HNF1B: variants seen among roughly 807,000 people sequenced by gnomAD.
HNF1B encodes the protein HNF1 homeobox B, also known as hepatocyte nuclear factor 1-beta.
In HNF1B, 8 loss-of-function variants were observed where a neutral mutation model predicts 61.7. The observed-to-expected ratio is 0.13, with a 90% CI of 0.08 to 0.23. The LOEUF (loss-of-function observed/expected upper bound fraction) is 0.23, where lower values mean the gene tolerates loss of function less well. Among genes scored for constraint, HNF1B ranks in the 10% least tolerant of loss-of-function variants. The pLI, the probability that HNF1B is intolerant of heterozygous loss-of-function variation, is 1.00. For missense variants in HNF1B, 562 were observed against 714.5 expected (o/e 0.79, Z 2.43); for synonymous variants, 314 against 287.7 (o/e 1.09, Z -0.93).
In HNF1B at chr17:37,744,952, T is replaced by C. The variant is rs764793712; in HGVS notation, c.-68A>G. 1.5e-6 allele frequency: 2 copies of C among 1,343,964 alleles called. No individual in the cohort carries two copies. Among genetic ancestry groups the C allele is most frequent in the Non-Finnish European group, 2.1e-6 (2 of 961,348 alleles). The allele number at this position is 1,343,964 out of a possible 1,614,324, so 83.3% of individuals were successfully genotyped here. ...TGCGAGAGAGGAGGGTGGAGGGGAG[T>C]TTCACAAGCAAACCCCAAATCCAGG... On this transcript the variant is annotated 5_prime_UTR_variant, in exon 1 of 9. Transcript: ENST00000617811.
intron 5 of HNF1B, among the ~76,000 whole-genome samples, chr17:37,707,618 C>T (rs1196726664): frequency 6.6e-6 from 1 of 152,056 alleles, no homozygotes; most frequent in African/African-American, 2.4e-5. Context: ...GAGAAGGATA[C>T]TGAAATTTAG....
chr17:37,742,196 C>G (rs969031023), intron 1 of HNF1B, among the ~76,000 whole-genome samples: 6 of 152,252 alleles, frequency 3.9e-5, no homozygotes, highest in Non-Finnish European at 7.3e-5. Context: ...TGGACTCCAG[C>G]GCAGTCCGCA....
At chr17:37,702,275 T>C (rs569717103) in intron 6 of HNF1B, among the ~76,000 whole-genome samples, 2 of 152,196 alleles carry the variant, frequency 1.3e-5, no homozygotes, top group South Asian at 4.2e-4. Context: ...TTGAGGGAAG[T>C]CATCAATGGA....
chr17:37,710,517 G>C lies in HNF1B; in HGVS notation c.1192C>G (p.Pro398Ala). ...GGTGTACTCACCATTTTACCATCAGGTGAGAGGAGATTGTGGCCTGGGTCC... is the reference window on the plus strand; with the variant it reads ...GGTGTACTCACCATTTTACCATCAGCTGAGAGGAGATTGTGGCCTGGGTCC... ...SLDPGHNLLS[P>A]DGKMISVSGG... The change falls in exon 5 of 9, where the codon CCT becomes GCT. Residue 398 changes from proline to alanine, a missense_variant. Physicochemically the swap from Pro to Ala is conservative, Grantham distance 27 (BLOSUM62 -1). Coordinates refer to ENST00000617811, the MANE Select transcript of HNF1B (RefSeq NM_000458.4). The C allele has an allele frequency of 6.2e-7, 1 of 1,614,226 alleles. No individual in the cohort carries two copies. The highest frequency in any genetic ancestry group is 8.5e-7 in the Non-Finnish European group (1 of 1,180,044).
At chr17:37,711,935 C>A (rs951304988) in intron 4 of HNF1B, among the ~76,000 whole-genome samples, 3 of 152,176 alleles carry the variant, frequency 2.0e-5, no homozygotes, top group African/African-American at 7.2e-5. Flanking sequence ...CCCCCAGGGG[C>A]CAGGCACTGC....
chr17:37,688,380 AACACACACACAC>A (rs5820230), intron 8 of HNF1B, among the ~76,000 whole-genome samples: 35 of 136,178 alleles, frequency 2.6e-4, no homozygotes, highest in African/African-American at 5.5e-4. Context: ...GATCCCCCCA[AACACACACACAC>A]ACACACACAC....
At chr17:37,689,178 G>A (rs532505637) in intron 8 of HNF1B, among the ~76,000 whole-genome samples, 223 of 151,358 alleles carry the variant, frequency 1.5e-3, no homozygotes, top group African/African-American at 5.1e-3. Context: ...AAAGAGGGGG[G>A]CTGAGCAGTG....
chr17:37,690,881 A>C (rs561883335), intron 8 of HNF1B, among the ~76,000 whole-genome samples: 1 of 152,340 alleles, frequency 6.6e-6, no homozygotes, highest in Admixed American at 6.5e-5. Flanking sequence ...CGGACTGTAC[A>C]CAGAATTACA....
chr17:37,725,835 A>G (rs1431812622), intron 4 of HNF1B, among the ~76,000 whole-genome samples: 1 of 152,226 alleles, frequency 6.6e-6, no homozygotes, highest in African/African-American at 2.4e-5. Context: ...AGGTGCTTGC[A>G]CTGTCTCAGA....
Position 37,733,696 on chromosome 17 carries a change from A to G in HNF1B, c.670T>C (p.Ser224Pro). The G allele has an allele frequency of 6.2e-7, 1 of 1,614,136 alleles. No individual in the cohort carries two copies. Among genetic ancestry groups the G allele is most frequent in the Non-Finnish European group, 8.5e-7 (1 of 1,180,020 alleles). Residue 224 changes from serine (S) to proline (P), a missense_variant, in exon 3 of 9, where the codon TCT (serine) becomes CCT (proline). Coordinates refer to ENST00000617811, the MANE Select transcript of HNF1B (RefSeq NM_000458.4). ...HGPGQSDDAC[S>P]EPTNKKMRRN... ...CGCATCTTCTTGTTGGTGGGCTCAG[A>G]GCAGGCATCATCGGACTGCCCAGGC...
intron 2 of HNF1B, 133 bp from the exon 3 acceptor site, chr17:37,733,954 T>C: frequency 9.3e-7 from 1 of 1,076,546 alleles, no homozygotes; most frequent in South Asian, 1.4e-5. Context: ...CTTCTCTCAC[T>C]GCATGTGGAG....
At chr17:37,729,491 G>C (rs1239331273) in intron 4 of HNF1B, 1 of 149,404 alleles carries the variant, frequency 6.7e-6, no homozygotes, top group East Asian at 2.0e-4. Context: ...AATATTCAGT[G>C]TCCCATAACT....
In HNF1B at chr17:37,733,771, G is replaced by T. The variant is rs774087956; in HGVS notation, c.595C>A (p.Gln199Lys). 6.2e-7 allele frequency: 1 copy of T among 1,614,144 alleles called. No homozygotes were observed. Among genetic ancestry groups the T allele is most frequent in the East Asian group, 2.2e-5 (1 of 44,894 alleles). Residue 199 changes from glutamine (Q) to lysine (K), a missense_variant, in exon 3 of 9, where the codon CAG becomes AAG. This residue lies in a region of HNF1B where 69 missense variants were observed against 81.2 expected (regional missense o/e 0.85). Coordinates refer to ENST00000617811, the MANE Select transcript of HNF1B (RefSeq NM_000458.4). Reference sequence around the variant, plus strand: ...GGAAAGAGAAACAGCAGCTGATCCTGACTGCTTTTGTCTGTCATATTTCCA... The same window carrying T: ...GGAAAGAGAAACAGCAGCTGATCCTTACTGCTTTTGTCTGTCATATTTCCA... ...SSGNMTDKSS[Q>K]DQLLFLFPEF...
chr17:37,729,778 C>G (rs765844673), intron 4 of HNF1B: 1 of 152,304 alleles, frequency 6.6e-6, no homozygotes, highest in Non-Finnish European at 1.5e-5. Context: ...TACCATTGCT[C>G]TGTGTCACTT....
chr17:37,737,420 A>G lies in HNF1B; in HGVS notation c.544+2020T>C, dbSNP rs1052834592. On this transcript the variant is annotated intron_variant, in intron 2 of 8. Coordinates refer to ENST00000617811, the MANE Select transcript of HNF1B (RefSeq NM_000458.4). ...GGATGGCAGGTAAGTCCCTGGAGAA[A>G]AGAACCTATGTATTCCATAGCTTAG... is the stretch of plus-strand genomic sequence containing the variant. Among the ~76,000 whole-genome samples the G allele has an allele frequency of 1.1e-4, 17 of 152,254 alleles. No individual in the cohort carries two copies. The South Asian group carries it at 1.2e-3, about 11-fold the overall frequency.
rs954738047 is a variant in HNF1B, at chr17:37,690,206, G to T, written c.1654-2814C>A. ...AGGGGCAAGCATGTAAAAATGCACA[G>T]AAAAAAAGAGCTCCAGGCAGACACC... On this transcript the variant is annotated intron_variant, in intron 8 of 8. Transcript: ENST00000617811. 3.3e-5 allele frequency among the ~76,000 whole-genome samples: 5 copies of T among 152,232 alleles called. No individual in the cohort carries two copies. The East Asian group carries it at 7.7e-4, about 23-fold the overall frequency.
At position 37,700,565 on chromosome 17, in the gene HNF1B, T is replaced by C. The variant is rs575945180; in HGVS notation, c.1534+418A>G. On this transcript the variant is annotated intron_variant, in intron 7 of 8. Coordinates refer to ENST00000617811, the MANE Select transcript of HNF1B (RefSeq NM_000458.4). ...GAAGGCAAACAGGATGCAAATTAGA[T>C]GCCAATTGTGATCATTTGATAATGG... 2.0e-5 allele frequency among the ~76,000 whole-genome samples: 3 copies of C among 152,342 alleles called. No individual in the cohort carries two copies. The East Asian group carries it at 5.8e-4, about 29-fold the overall frequency.
chr17:37,731,655 G>A lies in HNF1B; in HGVS notation c.985C>T (p.Leu329=), dbSNP rs1046837220. Residue 329 remains leucine, a synonymous_variant, in exon 4 of 9, where the codon CTG becomes TTG. Coordinates refer to ENST00000617811, the MANE Select transcript of HNF1B (RefSeq NM_000458.4). ...SSNQTHSLNP[L]LSHGSPHHQP... ...TGGTGGGGGGAGCCGTGGGAGAGCAGAGGGTTCAGGCTGTGAGTCTGGTTG... is the reference window on the plus strand; with the variant it reads ...TGGTGGGGGGAGCCGTGGGAGAGCAAAGGGTTCAGGCTGTGAGTCTGGTTG... The A allele has an allele frequency of 4.3e-6, 7 of 1,614,060 alleles. No individual in the cohort carries two copies. Among genetic ancestry groups the A allele is most frequent in the Non-Finnish European group, 5.9e-6 (7 of 1,180,030 alleles).
chr17:37,687,581 C>T (rs930334437), intron 8 of HNF1B, among the ~76,000 whole-genome samples, 189 bp from the exon 9 acceptor site: 3 of 152,046 alleles, frequency 2.0e-5, no homozygotes, highest in Non-Finnish European at 4.4e-5. Flanking sequence ...CAGGAAAACC[C>T]GGGAGCCGGC....
Sources: gnomAD v4.1 joint callset for allele counts (sites outside exome capture counted in the v4.1 genomes callset) on GRCh38, gnomAD v4.1.1 for gene constraint, gnomAD v4.1.1 regional missense constraint, MANE v1.5 for transcripts, NCBI Gene and HGNC (gene_info 2026-07-23, HGNC 2026-07-21) for gene names.